Variants in HK1 observed in about 807,000 individuals in gnomAD.
The protein encoded by HK1 is hexokinase-1.
A neutral mutation model predicts 91.6 loss-of-function variants in HK1; 28 were observed. That is an observed-to-expected ratio of 0.31 (90% CI 0.23 to 0.42). HK1 has a LOEUF of 0.42. HK1 is among the 10% of genes least tolerant of loss of function. The pLI, the probability that HK1 is intolerant of heterozygous loss-of-function variation, is 1.00. For missense variants in HK1, 770 were observed against 1,219.8 expected (o/e 0.63, Z 5.49); for synonymous variants, 430 against 468.1 (o/e 0.92, Z 1.05).
intron 2 of HK1, among the ~76,000 whole-genome samples, chr10:69,287,236 G>A (rs1018097514): frequency 6.6e-6 from 1 of 152,146 alleles, no homozygotes; most frequent in Non-Finnish European, 1.5e-5. Context: ...GGGAAGCAAG[G>A]CACCTTCTTC....
intron 9 of HK1, among the ~76,000 whole-genome samples, chr10:69,382,064 T>G (rs964064246): frequency 3.3e-5 from 5 of 152,376 alleles, no homozygotes; most frequent in Admixed American, 6.5e-5. Context: ...AGTGGATGTA[T>G]ATGATTTGTG....
chr10:69,350,619 G>A (rs998806234), intron 2 of HK1, among the ~76,000 whole-genome samples: 4 of 151,804 alleles, frequency 2.6e-5, no homozygotes, highest in Admixed American at 6.6e-5. Flanking sequence ...CCAAGATTGC[G>A]CCATTGCACT....
rs1455089389 is a variant in HK1 at position 69,348,051 on chromosome 10, C to T, written c.226+4062C>T. 2.0e-5 allele frequency among the ~76,000 whole-genome samples: 3 copies of T among 152,110 alleles called. No individual in the cohort carries two copies. The East Asian group carries it at 5.8e-4, about 29-fold the overall frequency. ...CCCATTCGCGAAGTGTCCCTTTTTT[C>T]TCCTTTTCTCATTTATCCCTAAGGA... is the stretch of plus-strand genomic sequence containing the variant. On this transcript the variant is annotated intron_variant, in intron 2 of 17. Transcript: ENST00000359426.
chr10:69,370,978 A>G (rs1849969270), intron 7 of HK1, among the ~76,000 whole-genome samples: 1 of 152,096 alleles, frequency 6.6e-6, no homozygotes, highest in South Asian at 2.1e-4. Context: ...CTGTCAACCT[A>G]CAGAGAGATG....
chr10:69,335,831 C>T (rs1258431599), intron 1 of HK1, among the ~76,000 whole-genome samples: 1 of 152,188 alleles, frequency 6.6e-6, no homozygotes, highest in Non-Finnish European at 1.5e-5. Flanking sequence ...TCTACATGGC[C>T]CCGACTGTGC....
chr10:69,297,755 ACATGGTGGTGTGCATCTG>A, intron 4 of HK1, among the ~76,000 whole-genome samples: 1 of 150,166 alleles, frequency 6.7e-6, no homozygotes, highest in African/African-American at 2.5e-5. Flanking sequence ...ATTTAGCCAG[ACATGGTGGTGTGCATCTG>A]TAATCCCAAC....
chr10:69,350,584 C>T (rs1403538092), intron 2 of HK1, among the ~76,000 whole-genome samples: 1 of 151,948 alleles, frequency 6.6e-6, no homozygotes, highest in Admixed American at 6.6e-5. Context: ...ATTGCTTGAA[C>T]CCGGGAGTTG....
intron 3 of HK1, among the ~76,000 whole-genome samples, chr10:69,361,811 ATTCTTTTTTTTC>A (rs1387119020): frequency 6.6e-6 from 1 of 152,002 alleles, no homozygotes; most frequent in East Asian, 1.9e-4. Context: ...ATTATAGCAA[ATTCTTTTTTTTC>A]TTCTTTTTTT....
intron 2 of HK1, among the ~76,000 whole-genome samples, chr10:69,345,549 G>A (rs1848505435): frequency 1.3e-5 from 2 of 152,104 alleles, no homozygotes; most frequent in East Asian, 1.9e-4. Flanking sequence ...AGGAAGGAGC[G>A]GGGAGGGGAG....
At chr10:69,346,895 G>A (rs1589519385) in intron 2 of HK1, among the ~76,000 whole-genome samples, 1 of 152,252 alleles carries the variant, frequency 6.6e-6, no homozygotes, top group South Asian at 2.1e-4. Context: ...TTTGCCCTCT[G>A]AATGTTGGCT....
chr10:69,296,286 CTT>C (rs1845559653), intron 4 of HK1: 1 of 155,716 alleles, frequency 6.4e-6, no homozygotes, highest in Non-Finnish European at 1.4e-5. Flanking sequence ...GAGGTGTACA[CTT>C]TATGAATCAG....
At chr10:69,364,730 T>C in intron 3 of HK1, 53 bp from the exon 4 acceptor site, 2 of 1,611,148 alleles carry the variant, frequency 1.2e-6, no homozygotes, top group South Asian at 2.2e-5. Flanking sequence ...TATTTTTCTA[T>C]GAAATGCTAA....
At chr10:69,368,037 T>A (rs1430094653) in intron 4 of HK1, among the ~76,000 whole-genome samples, 1 of 152,232 alleles carries the variant, frequency 6.6e-6, no homozygotes, top group Admixed American at 6.5e-5. Flanking sequence ...TCCACATCAT[T>A]CCCTAAATGT....
intron 2 of HK1, among the ~76,000 whole-genome samples, chr10:69,351,179 T>TTAAATAAATAAA (rs113053941): frequency 1.0e-3 from 115 of 115,030 alleles, no homozygotes; most frequent in African/African-American, 4.2e-3. Flanking sequence ...CGTCTCAAAA[T>TTAAATAAATAAA]TAAATAAATA....
At chr10:69,394,869 G>A (rs1024769460) in intron 15 of HK1, 81 bp from the exon 16 acceptor site, 18 of 1,409,584 alleles carry the variant, frequency 1.3e-5, no homozygotes, top group Non-Finnish European at 1.6e-5. Flanking sequence ...AGTAGGAGAC[G>A]CGGAGTGACC....
At chr10:69,294,297 T>A (rs773597634) in intron 3 of HK1, among the ~76,000 whole-genome samples, 24 of 152,160 alleles carry the variant, frequency 1.6e-4, no homozygotes, top group Non-Finnish European at 1.6e-4. Context: ...GGAGAATTAG[T>A]GTGGCTGTTT....
intron 7 of HK1, among the ~76,000 whole-genome samples, chr10:69,372,857 GTT>G (rs139153331): frequency 6.7e-6 from 1 of 149,274 alleles, no homozygotes; most frequent in Non-Finnish European, 1.5e-5. Flanking sequence ...TTTAACCAGG[GTT>G]TTTTTTTTGT....
chr10:69,338,403 A>T (rs1301838920), intron 1 of HK1: 1 of 1,223,868 alleles, frequency 8.2e-7, no homozygotes, highest in African/African-American at 1.6e-5. Flanking sequence ...GACTGACCAG[A>T]GTCCCACATA....
chr10:69,332,357 T>TTTTCTTTC lies in HK1; in HGVS notation c.64-11450_64-11443dup, dbSNP rs140249017. ...TGACCATCAAGTTCCCTAGGCCTCA[T>TTTTCTTTC]TTTCTTTCTTTCTTTCTTTCTTTCT... On this transcript the variant is annotated intron_variant, in intron 1 of 17. Transcript: ENST00000359426. Among the ~76,000 whole-genome samples the TTTTCTTTC allele has an allele frequency of 6.7e-4, 94 of 140,834 alleles. 1 individual carries two copies. Among genetic ancestry groups the TTTTCTTTC allele is most frequent in the African/African-American group, 1.8e-3 (68 of 38,028 alleles). 92.4% of individuals were successfully genotyped at this position (140,834 alleles called of 152,430 possible). A position where few individuals can be genotyped will look rare whatever the true frequency, so the allele number is the denominator to read the frequency against.
Sources: gnomAD v4.1 joint callset for allele counts (sites outside exome capture counted in the v4.1 genomes callset) on GRCh38, gnomAD v4.1.1 for gene constraint, MANE v1.5 for transcripts, NCBI Gene and HGNC (gene_info 2026-07-23, HGNC 2026-07-21) for gene names.